HPSE2: variants seen among roughly 807,000 people sequenced by gnomAD.
HPSE2 encodes inactive heparanase-2.
A neutral mutation model predicts 60.5 loss-of-function variants in HPSE2; 38 were observed. The ratio of observed to expected loss-of-function variants is 0.63; its 90% confidence interval spans 0.48 to 0.82. HPSE2 has a LOEUF of 0.82. HPSE2 is among the 40% of genes least tolerant of loss of function. The pLI is 0.00. For missense variants in HPSE2, 713 were observed against 740.4 expected, an observed-to-expected ratio of 0.96 and a Z score of 0.43; for synonymous variants, 295 against 293.2, an observed-to-expected ratio of 1.01 and a Z score of -0.06.
intron 2 of HPSE2, among the ~76,000 whole-genome samples, chr10:99,228,294 G>A (rs1589845438): frequency 6.6e-6 from 1 of 152,136 alleles, no homozygotes; most frequent in East Asian, 1.9e-4. Context: ...TCAGGTTGAG[G>A]AGTTTGAACA....
intron 3 of HPSE2, among the ~76,000 whole-genome samples, chr10:99,117,211 A>T (rs188788593): frequency 4.8e-3 from 724 of 151,464 alleles, no homozygotes; most frequent in East Asian, 0.018. Flanking sequence ...TTAATTAATA[A>T]ATTAAATTAA....
chr10:98,725,947 C>T (rs1949065724), intron 4 of HPSE2, among the ~76,000 whole-genome samples: 1 of 152,200 alleles, frequency 6.6e-6, no homozygotes, highest in African/African-American at 2.4e-5. Context: ...TACCATCTCT[C>T]ACCAGTTAGA....
chr10:98,838,331 CTA>C (rs1951838085), intron 3 of HPSE2, among the ~76,000 whole-genome samples: 1 of 152,088 alleles, frequency 6.6e-6, no homozygotes, highest in Non-Finnish European at 1.5e-5. Flanking sequence ...TAAAGATTGA[CTA>C]TATTAAATAT....
intron 2 of HPSE2, among the ~76,000 whole-genome samples, chr10:99,184,476 G>A (rs547441346): frequency 1.5e-5 from 2 of 129,390 alleles, no homozygotes; most frequent in East Asian, 5.0e-4. Context: ...AGTGAGTTGA[G>A]ATCATGCCAT....
rs1249778346 is a variant in HPSE2 at position 98,939,644 on chromosome 10, C to A, written c.611-195588G>T. ...ACACAATAATAATGGGAGATTTTAA[C>A]ACCCCACTGTCAACATTAGACAGAT... is the stretch of plus-strand genomic sequence containing the variant. On this transcript the variant is annotated intron_variant, in intron 3 of 11. Transcript: ENST00000370552. Among the ~76,000 whole-genome samples, 5 of 143,410 alleles carry A rather than the reference C, an allele frequency of 3.5e-5. 2 individuals are homozygous for A. Among genetic ancestry groups the A allele is most frequent in the African/African-American group, 1.4e-4 (5 of 35,086 alleles). The allele number at this position is 143,410 out of a possible 152,430, so 94.1% of individuals were successfully genotyped here. A position where few individuals can be genotyped will look rare whatever the true frequency, so the allele number is the denominator to read the frequency against.
intron 2 of HPSE2, among the ~76,000 whole-genome samples, chr10:99,163,894 C>A (rs928866076): frequency 2.0e-5 from 3 of 151,882 alleles, no homozygotes; most frequent in Non-Finnish European, 4.4e-5. Flanking sequence ...TGGAACGATA[C>A]CACAAAGGTA....
chr10:99,172,527 A>G (rs991831939), intron 2 of HPSE2, among the ~76,000 whole-genome samples: 1 of 152,216 alleles, frequency 6.6e-6, no homozygotes, highest in Non-Finnish European at 1.5e-5. Context: ...TATTGGTCCT[A>G]TCTACCCTCA....
chr10:98,940,376 C>T lies in HPSE2; in HGVS notation c.611-196320G>A, dbSNP rs1344556935. On this transcript the variant is annotated intron_variant, in intron 3 of 11. Transcript: ENST00000370552. The stretch of plus-strand genomic sequence containing the variant: ...AGAAAAGAGAGAAGAATCAAATAGA[C>T]GCAATAAAAAATGATAAAGGGGATA... Among the ~76,000 whole-genome samples the T allele has an allele frequency of 1.8e-3, 253 of 141,986 alleles. 41 individuals are homozygous for T. The highest frequency in any genetic ancestry group is 0.011 in the Middle Eastern group (3 of 278). 93.1% of individuals were successfully genotyped at this position (141,986 alleles called of 152,430 possible). A position where few individuals can be genotyped will look rare whatever the true frequency, so the allele number is the denominator to read the frequency against.
intron 6 of HPSE2, among the ~76,000 whole-genome samples, chr10:98,642,245 CT>C (rs35861860): frequency 3.3e-5 from 5 of 152,142 alleles, no homozygotes; most frequent in African/African-American, 9.6e-5. Context: ...ATGAGGAATA[CT>C]TTTTTTTCCC....
the HPSE2 span, among the ~76,000 whole-genome samples, chr10:99,303,465 T>A: frequency 4.6e-5 from 7 of 152,030 alleles, no homozygotes; most frequent in South Asian, 4.2e-4. Context: ...ATAATTAACC[T>A]CCCTGTTCGA....
chr10:99,054,492 GAC>G (rs1298318569), intron 3 of HPSE2, among the ~76,000 whole-genome samples: 2 of 152,112 alleles, frequency 1.3e-5, no homozygotes, highest in African/African-American at 2.4e-5. Flanking sequence ...CCACAACAGA[GAC>G]ACAGTTTGCA....
chr10:98,897,549 T>C (rs768756479), intron 3 of HPSE2, among the ~76,000 whole-genome samples: 5 of 151,864 alleles, frequency 3.3e-5, no homozygotes, highest in Non-Finnish European at 5.9e-5. Context: ...GAAAATGACA[T>C]ACAAATAAAG....
intron 9 of HPSE2, among the ~76,000 whole-genome samples, chr10:98,590,339 G>A (rs1945054668): frequency 6.6e-6 from 1 of 152,226 alleles, no homozygotes; most frequent in South Asian, 2.1e-4. Context: ...CTACTCAGGA[G>A]GCTGAGGCAG....
intron 3 of HPSE2, among the ~76,000 whole-genome samples, chr10:99,036,557 A>G (rs1271221545): frequency 6.6e-6 from 1 of 152,208 alleles, no homozygotes; most frequent in African/African-American, 2.4e-5. Context: ...GGATAAATGA[A>G]TAAATGAGCA....
chr10:98,710,606 C>T (rs1020470861), intron 5 of HPSE2, among the ~76,000 whole-genome samples: 25 of 152,176 alleles, frequency 1.6e-4, no homozygotes, highest in South Asian at 6.2e-4. Flanking sequence ...TACCATTTGC[C>T]GACTGACAGG....
intron 3 of HPSE2, among the ~76,000 whole-genome samples, chr10:98,851,039 G>A (rs1349721083): frequency 6.6e-6 from 1 of 152,162 alleles, no homozygotes; most frequent in Non-Finnish European, 1.5e-5. Flanking sequence ...TTGGCAATGC[G>A]AGTGAAACTA....
chr10:98,692,091 G>T (rs1948090411), intron 6 of HPSE2, among the ~76,000 whole-genome samples: 2 of 152,098 alleles, frequency 1.3e-5, no homozygotes, highest in African/African-American at 2.4e-5. Flanking sequence ...CTAAGAAAAA[G>T]AATGAAATGG....
chr10:98,585,360 C>T (rs1944910490), intron 9 of HPSE2, among the ~76,000 whole-genome samples: 1 of 151,868 alleles, frequency 6.6e-6, no homozygotes, highest in Admixed American at 6.6e-5. Context: ...CGACCTCCAC[C>T]TCCCAGGTTC....
intron 4 of HPSE2, among the ~76,000 whole-genome samples, chr10:98,725,688 C>T (rs1052145592): frequency 3.3e-5 from 5 of 152,260 alleles, no homozygotes; most frequent in African/African-American, 1.2e-4. Flanking sequence ...AAACCACCAT[C>T]AGAGTGAACA....
Sources: gnomAD v4.1 joint callset for allele counts (sites outside exome capture counted in the v4.1 genomes callset) on GRCh38, gnomAD v4.1.1 for gene constraint, MANE v1.5 for transcripts, NCBI Gene and HGNC (gene_info 2026-07-23, HGNC 2026-07-21) for gene names.